The following LOC400499 variants were observed in gnomAD, a reference collection of about 807,000 sequenced individuals.
the LOC400499 span, among the ~76,000 whole-genome samples, chr16:11,434,682 T>C: frequency 6.6e-6 from 1 of 152,216 alleles, no homozygotes; most frequent in Non-Finnish European, 1.5e-5. Flanking sequence ...AGCCAGCTAC[T>C]GAGCATGCTC....
the LOC400499 span, chr16:11,425,056 C>A: frequency 1.0e-5 from 4 of 398,332 alleles, no homozygotes; most frequent in African/African-American, 4.1e-5. Context: ...GCTCATTTAT[C>A]CCCCCTCCCT....
chr16:11,498,463 C>G, the LOC400499 span, among the ~76,000 whole-genome samples: 1 of 151,898 alleles, frequency 6.6e-6, no homozygotes, highest in African/African-American at 2.4e-5. Flanking sequence ...GCCTGGGCAA[C>G]AGAGCGAGAC....
chr16:11,380,018 C>CATTATCACAGCTCAAT, the LOC400499 span, among the ~76,000 whole-genome samples: 2 of 152,128 alleles, frequency 1.3e-5, no homozygotes, highest in African/African-American at 4.8e-5. Flanking sequence ...AGTGCAGTGG[C>CATTATCACAGCTCAAT]ATTATCACAG....
the LOC400499 span, chr16:11,448,100 G>C: frequency 7.9e-6 from 12 of 1,528,502 alleles, no homozygotes; most frequent in Middle Eastern, 1.7e-4. Flanking sequence ...GCTGAAGAGA[G>C]GGACGGGCCA....
chr16:11,385,057 C>A, the LOC400499 span: 5 of 1,232,008 alleles, frequency 4.1e-6, no homozygotes, highest in African/African-American at 6.2e-5. Context: ...AGTTGTACAG[C>A]CTGTAGGCCT....
At chr16:11,372,304 A>T in the LOC400499 span, 3 of 152,274 alleles carry the variant, frequency 2.0e-5, no homozygotes, top group Admixed American at 2.0e-4. Flanking sequence ...GAAAGCCAGT[A>T]CCAAGCAGCT....
chr16:11,398,844 A>G, the LOC400499 span, among the ~76,000 whole-genome samples: 1 of 151,916 alleles, frequency 6.6e-6, no homozygotes, highest in Non-Finnish European at 1.5e-5. Context: ...ATTCTTTAGT[A>G]GAGATGGGGT....
chr16:11,420,544 T>A, the LOC400499 span, among the ~76,000 whole-genome samples: 3 of 150,378 alleles, frequency 2.0e-5, no homozygotes, highest in Non-Finnish European at 3.0e-5. Flanking sequence ...TGTATACATA[T>A]GTAACTAACC....
chr16:11,405,007 G>A, the LOC400499 span: 37 of 396,394 alleles, frequency 9.3e-5, no homozygotes, highest in East Asian at 1.1e-3. Flanking sequence ...TATGTCAGGG[G>A]ATCAAAAACC....
At chr16:11,471,208 C>T in the LOC400499 span, 67 of 152,618 alleles carry the variant, frequency 4.4e-4, no homozygotes, top group South Asian at 6.8e-3. Flanking sequence ...AGGAGGCCAC[C>T]GAGTGCCTCC....
chr16:11,525,235 C>T, the LOC400499 span, among the ~76,000 whole-genome samples: 2 of 150,772 alleles, frequency 1.3e-5, no homozygotes, highest in African/African-American at 2.4e-5. Flanking sequence ...GCCGAGATCG[C>T]ACCACTGCCT....
chr16:11,461,652 G>A, the LOC400499 span, among the ~76,000 whole-genome samples: 1 of 152,206 alleles, frequency 6.6e-6, no homozygotes, highest in Non-Finnish European at 1.5e-5. Context: ...GAACGCACAG[G>A]TGAAACTGGG....
the LOC400499 span, chr16:11,508,657 G>A: frequency 2.5e-6 from 1 of 398,666 alleles, no homozygotes; most frequent in Non-Finnish European, 4.4e-6. Context: ...GAAGAGGAAG[G>A]TGTCCTAGGG....
chr16:11,426,984 GACAA>G, the LOC400499 span, among the ~76,000 whole-genome samples: 6 of 144,446 alleles, frequency 4.2e-5, no homozygotes, highest in Non-Finnish European at 3.0e-5. Flanking sequence ...ATCAATAAAA[GACAA>G]ACAATTTAAT....
At chr16:11,471,215 C>T in the LOC400499 span, 2 of 152,790 alleles carry the variant, frequency 1.3e-5, no homozygotes, top group African/African-American at 4.8e-5. Flanking sequence ...CACCGAGTGC[C>T]TCCTCTGGAC....
At chr16:11,458,883 A>C in the LOC400499 span, among the ~76,000 whole-genome samples, 2 of 151,644 alleles carry the variant, frequency 1.3e-5, no homozygotes, top group Non-Finnish European at 2.9e-5. Context: ...AAAAATACAA[A>C]AAAATTAGCC....
At chr16:11,396,315 G>T in the LOC400499 span, 1,961 of 455,178 alleles carry the variant, frequency 4.3e-3, 32 homozygotes, top group African/African-American at 0.036. Flanking sequence ...GCCAGGGCCA[G>T]GCCTGGGGTT....
At chr16:11,421,018 C>A in the LOC400499 span, among the ~76,000 whole-genome samples, 215 of 152,192 alleles carry the variant, frequency 1.4e-3, 2 homozygotes, top group Non-Finnish European at 5.4e-4. Context: ...CTGGCCACCT[C>A]TGCCAAACTG....
At chr16:11,513,582 CACT>C in the LOC400499 span, among the ~76,000 whole-genome samples, 1 of 151,882 alleles carries the variant, frequency 6.6e-6, no homozygotes, top group African/African-American at 2.4e-5. Context: ...AGGCGCCCAC[CACT>C]ACTTCCAACT....
Sources: allele counts gnomAD v4.1 joint callset (sites outside exome capture counted in the v4.1 genomes callset), GRCh38; gene constraint gnomAD v4.1.1; transcripts MANE v1.5.